The following CADM1 variants were observed in gnomAD, a reference collection of about 807,000 sequenced individuals.
CADM1 encodes the protein TSLC-1.
CADM1 carries 15 observed loss-of-function variants against 53.1 expected under a neutral mutation model. The ratio of observed to expected loss-of-function variants is 0.28; its 90% CI spans 0.19 to 0.44. The LOEUF is 0.44. CADM1 is among the 20% of genes least tolerant of loss of function. The probability of loss-of-function intolerance (pLI) is 1.00; values close to 1 mark genes in which losing one functional copy is unlikely to be tolerated. For synonymous variants in CADM1, 281 were observed against 243.0 expected (o/e 1.16, Z -1.45); for missense variants, 434 against 611.3 (o/e 0.71, Z 3.06).
intron 1 of CADM1, among the ~76,000 whole-genome samples, chr11:115,295,362 A>G (rs1944022621): frequency 6.6e-6 from 1 of 151,002 alleles, no homozygotes; most frequent in Non-Finnish European, 1.5e-5. Flanking sequence ...TACATTCCAC[A>G]TCCTTGAGGT....
At chr11:115,248,592 AT>A (rs1942486756) in intron 1 of CADM1, among the ~76,000 whole-genome samples, 1 of 152,198 alleles carries the variant, frequency 6.6e-6, no homozygotes, top group African/African-American at 2.4e-5. Context: ...ATAAAAGATA[AT>A]AATAATCATT....
intron 1 of CADM1, among the ~76,000 whole-genome samples, chr11:115,327,395 C>G (rs1461267557): frequency 6.6e-6 from 1 of 152,162 alleles, no homozygotes; most frequent in South Asian, 2.1e-4. Flanking sequence ...GGTCCAGGAG[C>G]CTAATACCTG....
intron 1 of CADM1, among the ~76,000 whole-genome samples, chr11:115,279,052 T>A (rs1313037008): frequency 2.6e-5 from 4 of 152,066 alleles, no homozygotes; most frequent in African/African-American, 9.7e-5. Flanking sequence ...AGCTGCAGAT[T>A]TGGGAATCAC....
At chr11:115,489,869 C>T (rs1250516793) in intron 1 of CADM1, among the ~76,000 whole-genome samples, 2 of 152,092 alleles carry the variant, frequency 1.3e-5, no homozygotes, top group Non-Finnish European at 2.9e-5. Context: ...AGGAACTAGC[C>T]ATATACATTA....
intron 1 of CADM1, among the ~76,000 whole-genome samples, chr11:115,484,716 G>C (rs1949332554): frequency 6.6e-6 from 1 of 152,094 alleles, no homozygotes; most frequent in Admixed American, 6.5e-5. Context: ...GGGAGGCCGA[G>C]GCGGGCGGAT....
intron 1 of CADM1, among the ~76,000 whole-genome samples, chr11:115,488,592 T>C (rs923555152): frequency 6.6e-6 from 1 of 152,188 alleles, no homozygotes; most frequent in Non-Finnish European, 1.5e-5. Flanking sequence ...ACTCCAAACT[T>C]CTCCTAAATT....
At chr11:115,390,810 A>T (rs1263884066) in intron 1 of CADM1, among the ~76,000 whole-genome samples, 3 of 152,192 alleles carry the variant, frequency 2.0e-5, no homozygotes, top group South Asian at 2.1e-4. Context: ...TGAGCATTTA[A>T]TTGTATTTAT....
chr11:115,399,623 T>C (rs1176687822), intron 1 of CADM1: 1 of 152,246 alleles, frequency 6.6e-6, no homozygotes, highest in African/African-American at 2.4e-5. Context: ...AGTCAATGTA[T>C]CCTGAGCACC....
intron 1 of CADM1, among the ~76,000 whole-genome samples, chr11:115,430,256 C>T (rs1308716978): frequency 2.0e-5 from 3 of 152,174 alleles, no homozygotes; most frequent in Non-Finnish European, 2.9e-5. Flanking sequence ...CAGCCATTTC[C>T]CTCCAGCTAA....
chr11:115,247,265 C>G (rs1346597521), intron 1 of CADM1, among the ~76,000 whole-genome samples: 2 of 152,122 alleles, frequency 1.3e-5, no homozygotes, highest in South Asian at 2.1e-4. Context: ...GTTGAAATGA[C>G]AGCTCATAAC....
intron 1 of CADM1, among the ~76,000 whole-genome samples, chr11:115,412,285 C>T (rs1200102589): frequency 6.6e-6 from 1 of 152,130 alleles, no homozygotes; most frequent in African/African-American, 2.4e-5. Context: ...CCTCTACCTC[C>T]CTGGTCTCAG....
chr11:115,411,941 C>T (rs922827479), intron 1 of CADM1, among the ~76,000 whole-genome samples: 4 of 152,134 alleles, frequency 2.6e-5, no homozygotes, highest in Non-Finnish European at 5.9e-5. Flanking sequence ...TTATGAAGCA[C>T]CTCTTGACAA....
chr11:115,501,675 C>CCACG (rs1187351598), intron 1 of CADM1, among the ~76,000 whole-genome samples: 1 of 152,088 alleles, frequency 6.6e-6, no homozygotes, highest in African/African-American at 2.4e-5. Context: ...GAACCAGGAC[C>CCACG]CACGCACGAT....
At chr11:115,434,071 T>C (rs1192026708) in intron 1 of CADM1, among the ~76,000 whole-genome samples, 2 of 152,340 alleles carry the variant, frequency 1.3e-5, no homozygotes, top group Non-Finnish European at 2.9e-5. Context: ...TTCTGAAACA[T>C]GACACTCTGG....
At chr11:115,287,064 A>T (rs541521269) in intron 1 of CADM1, among the ~76,000 whole-genome samples, 13 of 152,252 alleles carry the variant, frequency 8.5e-5, no homozygotes, top group Non-Finnish European at 1.8e-4. Flanking sequence ...CCTGTTTGAA[A>T]CACTGCCTTT....
intron 10 of CADM1, among the ~76,000 whole-genome samples, chr11:115,189,427 C>A (rs1939734545): frequency 6.6e-6 from 1 of 152,138 alleles, no homozygotes; most frequent in Admixed American, 6.5e-5. Context: ...TTCTTAGGAT[C>A]TTTGAGAAGA....
intron 1 of CADM1, among the ~76,000 whole-genome samples, chr11:115,380,872 G>A (rs555646260): frequency 3.8e-4 from 58 of 152,308 alleles, no homozygotes; most frequent in Non-Finnish European, 6.3e-4. Flanking sequence ...TACAGAGAGA[G>A]AAGCTACCTC....
chr11:115,212,952 G>C (rs1399429763), intron 7 of CADM1, among the ~76,000 whole-genome samples: 1 of 152,196 alleles, frequency 6.6e-6, no homozygotes, highest in Non-Finnish European at 1.5e-5. Flanking sequence ...AAATATATCT[G>C]TCCATCAAAC....
chr11:115,311,578 G>A (rs542003277), intron 1 of CADM1, among the ~76,000 whole-genome samples: 51 of 152,068 alleles, frequency 3.4e-4, no homozygotes, highest in African/African-American at 1.2e-3. Context: ...ATGGACCCAC[G>A]CAGTTCAAAC....
Sources: allele counts gnomAD v4.1 joint callset (sites outside exome capture counted in the v4.1 genomes callset), GRCh38; gene constraint gnomAD v4.1.1; transcripts MANE v1.5; gene names NCBI Gene and HGNC (gene_info 2026-07-23, HGNC 2026-07-21).